The following SHANK2 variants were observed in gnomAD, a reference collection of about 807,000 sequenced individuals.
SHANK2 encodes SH3 and multiple ankyrin repeat domains protein 2.
In SHANK2, 43 loss-of-function variants were observed where a neutral mutation model predicts 133.7. The ratio of observed to expected loss-of-function variants is 0.32; its 90% confidence interval spans 0.25 to 0.41. The LOEUF (loss-of-function observed/expected upper bound fraction) is 0.41. Among genes scored for constraint, SHANK2 ranks in the 10% least tolerant of loss-of-function variants. The pLI is 1.00. For synonymous variants in SHANK2, 1,017 were observed against 952.8 expected (o/e 1.07, Z -1.24); for missense variants, 1,994 against 2,235.8 (o/e 0.89, Z 2.18).
chr11:71,058,534 T>C (rs1260361534), intron 9 of SHANK2, among the ~76,000 whole-genome samples: 5 of 152,392 alleles, frequency 3.3e-5, no homozygotes, highest in African/African-American at 1.2e-4. Flanking sequence ...ACTCTGTTTT[T>C]GGAAGTGCAT....
At position 70,591,214 on chromosome 11, in the gene SHANK2, C is replaced by A. The variant is rs562586968; in HGVS notation, c.2061+68614G>T. Among the ~76,000 whole-genome samples the A allele has an allele frequency of 3.8e-4, 57 of 151,758 alleles. 1 individual carries two copies. The highest frequency in any genetic ancestry group is 7.7e-4 in the Non-Finnish European group (52 of 67,950). On this transcript the variant is annotated intron_variant, in intron 17 of 25. Coordinates refer to ENST00000601538, the MANE Select transcript of SHANK2 (RefSeq NM_012309.5). ...TGAAAATACAAAAATTAGCTGGGTGCGGTGGTGAGTGCCTGGGATCCCAGC... is the reference window on the plus strand; with the variant it reads ...TGAAAATACAAAAATTAGCTGGGTGAGGTGGTGAGTGCCTGGGATCCCAGC...
intron 10 of SHANK2, among the ~76,000 whole-genome samples, chr11:70,950,579 C>T (rs958487732): frequency 3.9e-5 from 6 of 152,148 alleles, no homozygotes; most frequent in African/African-American, 1.4e-4. Flanking sequence ...CCCACCTCTT[C>T]GTGCTGCCAC....
chr11:70,743,425 G>GGCT (rs1397231443), intron 14 of SHANK2, among the ~76,000 whole-genome samples: 1 of 152,208 alleles, frequency 6.6e-6, no homozygotes, highest in Non-Finnish European at 1.5e-5. Flanking sequence ...ATGGCACAAA[G>GGCT]GCTGCTGTCT....
intron 14 of SHANK2, among the ~76,000 whole-genome samples, chr11:70,706,308 A>C (rs1014342334): frequency 1.4e-4 from 22 of 152,198 alleles, no homozygotes; most frequent in African/African-American, 5.1e-4. Context: ...GCGGGCACTC[A>C]GTAACTCTGG....
intron 2 of SHANK2, among the ~76,000 whole-genome samples, chr11:71,205,417 C>G (rs1302293147): frequency 6.6e-6 from 1 of 152,228 alleles, no homozygotes; most frequent in Non-Finnish European, 1.5e-5. Context: ...CTGCTGGGCG[C>G]TCCTGCGAGA....
intron 10 of SHANK2, among the ~76,000 whole-genome samples, chr11:70,946,910 T>TCC (rs1950751993): frequency 1.1e-5 from 1 of 93,028 alleles, no homozygotes; most frequent in Admixed American, 1.2e-4. Context: ...TAACCAACTC[T>TCC]TCCCCAGGCT....
chr11:70,876,515 A>G (rs1555071348), intron 11 of SHANK2, among the ~76,000 whole-genome samples: 3 of 151,490 alleles, frequency 2.0e-5, no homozygotes, highest in Non-Finnish European at 4.4e-5. Context: ...AGCCAAGGTC[A>G]CGCCACTGCA....
chr11:70,538,870 G>A (rs1391884844), intron 17 of SHANK2, among the ~76,000 whole-genome samples: 9 of 152,174 alleles, frequency 5.9e-5, no homozygotes, highest in African/African-American at 2.2e-4. Flanking sequence ...TGTCTCAGGG[G>A]CACCCCCAGC....
chr11:70,797,594 C>A lies in SHANK2; in HGVS notation c.1777+849G>T, dbSNP rs1947940809. ...GCAGATCTGATCAGGCGGCAGAGGG[C>A]TACCTAGTGAGCCCACAGACTAGGA... On this transcript the variant is annotated intron_variant, in intron 14 of 25. Transcript: ENST00000601538. Among the ~76,000 whole-genome samples the A allele has an allele frequency of 2.0e-5, 3 of 152,308 alleles. No homozygotes were observed. In the South Asian group the frequency reaches 6.2e-4, roughly 32 times the overall value.
chr11:70,473,576 C>T lies in SHANK2; in HGVS notation c.4980-137G>A, dbSNP rs1322129461. ...TAGTGGCAGATCCACTGGCAGTGAA[C>T]GAATGATTTGCCATGCCAGGGTGGG... On this transcript the variant is annotated intron_variant, in intron 25 of 25. Coordinates refer to ENST00000601538, the MANE Select transcript of SHANK2 (RefSeq NM_012309.5). The surrounding 1 kb of genome is among the most constrained non-coding windows in gnomAD (Gnocchi z 5.9). 1.1e-5 allele frequency: 9 copies of T among 823,568 alleles called. No individual in the cohort carries two copies. Among genetic ancestry groups the T allele is most frequent in the Middle Eastern group, 2.3e-4 (1 of 4,326 alleles). The allele number at this position is 823,568 out of a possible 1,614,324, so 51.0% of individuals were successfully genotyped here.
chr11:70,924,099 C>A (rs1555081131), intron 10 of SHANK2, among the ~76,000 whole-genome samples: 1 of 152,134 alleles, frequency 6.6e-6, no homozygotes, highest in Non-Finnish European at 1.5e-5. Flanking sequence ...CCTTGCCGGG[C>A]CCTAGGTGCC....
chr11:70,716,108 C>G lies in SHANK2; in HGVS notation c.1778-17345G>C, dbSNP rs74530477. Among the ~76,000 whole-genome samples the G allele has an allele frequency of 9.4e-3, 1,434 of 152,278 alleles. 10 individuals are homozygous for G. The highest frequency in any genetic ancestry group is 0.021 in the South Asian group (100 of 4,814). On this transcript the variant is annotated intron_variant, in intron 14 of 25. Coordinates refer to ENST00000601538, the MANE Select transcript of SHANK2 (RefSeq NM_012309.5). ...CTCCAACACCCGCTGCCTAACCCCA[C>G]AGAACATCCTGTCTTAGGGCCCTCT...
chr11:70,874,573 A>G (rs1555070822), intron 11 of SHANK2, among the ~76,000 whole-genome samples: 1 of 152,152 alleles, frequency 6.6e-6, no homozygotes, highest in Non-Finnish European at 1.5e-5. Flanking sequence ...ATCAGTTTTA[A>G]AACCAAATAT....
At chr11:70,889,061 G>T (rs2135617078) in intron 11 of SHANK2, among the ~76,000 whole-genome samples, 1 of 152,236 alleles carries the variant, frequency 6.6e-6, no homozygotes, top group African/African-American at 2.4e-5. Context: ...TCAAAAAGAT[G>T]GGCCCAAGTC....
intron 10 of SHANK2, among the ~76,000 whole-genome samples, chr11:70,954,781 T>G (rs1950893335): frequency 6.6e-6 from 1 of 152,242 alleles, no homozygotes; most frequent in Non-Finnish European, 1.5e-5. Context: ...GAAATTCAGT[T>G]CTTTGTTTCT....
Position 70,798,430 on chromosome 11 carries a change from G to A in SHANK2, c.1777+13C>T, listed in dbSNP as rs782012720. On this transcript the variant is annotated intron_variant, in intron 14 of 25. Coordinates refer to ENST00000601538, the MANE Select transcript of SHANK2 (RefSeq NM_012309.5). The stretch of plus-strand genomic sequence containing the variant: ...CAGGATCGAGGGTGGGCGGCCACGA[G>A]CGCTCGCCTTACCTGCCTGGCTGTC... 3 of 717,540 alleles carry A rather than the reference G, an allele frequency of 4.2e-6. No homozygotes were observed. The highest frequency in any genetic ancestry group is 7.8e-6 in the Non-Finnish European group (3 of 385,062). 44.4% of individuals were successfully genotyped at this position (717,540 alleles called of 1,614,324 possible).
chr11:70,476,767 A>G (rs2058669995), intron 25 of SHANK2, among the ~76,000 whole-genome samples: 3 of 152,170 alleles, frequency 2.0e-5, no homozygotes, highest in Admixed American at 2.0e-4. Context: ...GCTAAAGCTG[A>G]CTACATGGTG....
chr11:70,785,069 G>A (rs1480644393), intron 14 of SHANK2, among the ~76,000 whole-genome samples: 2 of 152,170 alleles, frequency 1.3e-5, no homozygotes, highest in Non-Finnish European at 2.9e-5. Flanking sequence ...TGAGGCCTGT[G>A]TGCCTGCAGC....
At chr11:70,768,933 G>C (rs1389768305) in intron 14 of SHANK2, among the ~76,000 whole-genome samples, 1 of 152,118 alleles carries the variant, frequency 6.6e-6, no homozygotes, top group African/African-American at 2.4e-5. Context: ...GGGGAAGGCA[G>C]GTGTCTCCAG....
Sources: gnomAD v4.1 joint callset for allele counts (sites outside exome capture counted in the v4.1 genomes callset) on GRCh38, gnomAD v4.1.1 for gene constraint, Gnocchi (gnomAD v3.1) non-coding constraint, MANE v1.5 for transcripts, NCBI Gene and HGNC (gene_info 2026-07-23, HGNC 2026-07-21) for gene names.